The following MYOM1 variants were observed in gnomAD, a reference collection of about 807,000 sequenced individuals.
MYOM1 encodes the protein myomesin 1.
MYOM1 carries 164 observed loss-of-function variants against 205.3 expected under a neutral mutation model. The observed-to-expected ratio is 0.80, with a 90% CI of 0.70 to 0.91. The LOEUF is 0.91. MYOM1 is among the 40% of genes least tolerant of loss of function. MYOM1 has a pLI of 0.00. For missense variants in MYOM1, 2,011 were observed against 2,127.3 expected, an observed-to-expected ratio of 0.95 and a Z score of 1.08; for synonymous variants, 772 against 789.4, an observed-to-expected ratio of 0.98 and a Z score of 0.37.
At chr18:3,123,762 T>C (rs1372221687) in intron 19 of MYOM1, among the ~76,000 whole-genome samples, 1 of 151,548 alleles carries the variant, frequency 6.6e-6, no homozygotes, top group African/African-American at 2.4e-5. Context: ...GGAAAAAGAA[T>C]AAACCAGGAG....
intron 23 of MYOM1, among the ~76,000 whole-genome samples, chr18:3,100,727 A>T (rs1457450973): frequency 6.6e-6 from 1 of 152,208 alleles, no homozygotes; most frequent in African/African-American, 2.4e-5. Context: ...CCAGCTGATC[A>T]GTCCCTGCTG....
At chr18:3,242,001 T>C in the MYOM1 span, among the ~76,000 whole-genome samples, 1 of 152,236 alleles carries the variant, frequency 6.6e-6, no homozygotes, top group African/African-American at 2.4e-5. Flanking sequence ...ACCCAATGCC[T>C]GTACCCCCCT....
At chr18:3,230,729 C>T in the MYOM1 span, among the ~76,000 whole-genome samples, 6 of 152,310 alleles carry the variant, frequency 3.9e-5, no homozygotes, top group South Asian at 1.2e-3. Flanking sequence ...ATTTAAACCC[C>T]GGAAAATTCC....
chr18:3,089,306 C>A, intron 28 of MYOM1, 65 bp from the exon 29 acceptor site: 2 of 1,304,562 alleles, frequency 1.5e-6, no homozygotes, highest in South Asian at 1.3e-5. Context: ...AAAGCTCACA[C>A]TTAAGTCCTA....
intron 9 of MYOM1, among the ~76,000 whole-genome samples, chr18:3,168,229 T>C (rs1413628329): frequency 6.6e-6 from 1 of 152,232 alleles, no homozygotes; most frequent in African/African-American, 2.4e-5. Flanking sequence ...TTACATACCA[T>C]TTTTATGGTA....
At chr18:3,089,127 A>G (rs778348908) in intron 29 of MYOM1, 47 bp downstream of exon 29, 6 of 1,201,782 alleles carry the variant, frequency 5.0e-6, no homozygotes, top group Non-Finnish European at 7.0e-6. Flanking sequence ...TCTACATTCT[A>G]TTTTATTTCC....
Position 3,089,529 on chromosome 18 carries a change from A to AT in MYOM1, c.4069+7dup. 1 of 1,604,004 alleles carries AT rather than the reference A, an allele frequency of 6.2e-7. No individual in the cohort carries two copies. The highest frequency in any genetic ancestry group is 8.5e-7 in the Non-Finnish European group (1 of 1,175,386). ...AAAATTTTCTCTTTATCCACGGCCT[A>AT]TTTTTACCTTGTTTCCTGATCCATT... On this transcript the variant is annotated splice_region_variant and intron_variant, in intron 28 of 37. Transcript: ENST00000356443.
chr18:3,229,293 T>C, the MYOM1 span, among the ~76,000 whole-genome samples: 1 of 152,114 alleles, frequency 6.6e-6, no homozygotes, highest in Non-Finnish European at 1.5e-5. Flanking sequence ...CTAGGCCATA[T>C]TCTAGGACAA....
chr18:3,155,832 T>C (rs1265100742), intron 10 of MYOM1, among the ~76,000 whole-genome samples: 2 of 152,150 alleles, frequency 1.3e-5, no homozygotes, highest in Admixed American at 6.5e-5. Flanking sequence ...ATACGAGTCA[T>C]AGAGCTTTGC....
At chr18:3,243,914 T>C in the MYOM1 span, among the ~76,000 whole-genome samples, 1 of 152,122 alleles carries the variant, frequency 6.6e-6, no homozygotes, top group African/African-American at 2.4e-5. Flanking sequence ...TAGATCTCAC[T>C]TGGGGAAAAA....
intron 16 of MYOM1, among the ~76,000 whole-genome samples, chr18:3,133,658 A>G (rs989454863): frequency 6.6e-6 from 1 of 152,194 alleles, no homozygotes; most frequent in Non-Finnish European, 1.5e-5. Context: ...TCAGAATCTA[A>G]TATCACGTTG....
intron 25 of MYOM1, among the ~76,000 whole-genome samples, chr18:3,094,798 A>G (rs1032788694): frequency 6.6e-6 from 1 of 151,784 alleles, no homozygotes; most frequent in African/African-American, 2.4e-5. Flanking sequence ...AGTAGCTCAC[A>G]CAACAGTCAC....
chr18:3,222,983 A>C (rs2081338121), upstream of MYOM1, among the ~76,000 whole-genome samples: 1 of 152,068 alleles, frequency 6.6e-6, no homozygotes, highest in Admixed American at 6.6e-5. Context: ...CTCAGCCTCA[A>C]GCAATTCTCC....
chr18:3,084,468 T>C (rs999169386), intron 31 of MYOM1, among the ~76,000 whole-genome samples: 1 of 152,216 alleles, frequency 6.6e-6, no homozygotes, highest in Non-Finnish European at 1.5e-5. Flanking sequence ...TAAACACATT[T>C]AGCCCCACTT....
intron 9 of MYOM1, 49 bp from the exon 10 acceptor site, chr18:3,164,488 C>T: frequency 1.3e-6 from 2 of 1,508,646 alleles, no homozygotes; most frequent in Non-Finnish European, 1.8e-6. Flanking sequence ...TGTTTTATAA[C>T]TTCCTTCTTG....
intron 20 of MYOM1, among the ~76,000 whole-genome samples, chr18:3,119,036 C>G (rs1226525358): frequency 1.3e-5 from 2 of 152,134 alleles, no homozygotes; most frequent in East Asian, 3.9e-4. Context: ...ATCTTAACGG[C>G]TTAGTAAATT....
intron 36 of MYOM1, among the ~76,000 whole-genome samples, chr18:3,074,676 G>C (rs912935411): frequency 6.6e-6 from 1 of 152,208 alleles, no homozygotes; most frequent in Non-Finnish European, 1.5e-5. Flanking sequence ...CTAGTTATAT[G>C]AAAGTAAGGA....
chr18:3,139,740 T>C (rs2080022370), intron 14 of MYOM1, among the ~76,000 whole-genome samples: 1 of 152,216 alleles, frequency 6.6e-6, no homozygotes, highest in Admixed American at 6.5e-5. Context: ...CCCTACATAG[T>C]ACTGTGTTCA....
At chr18:3,216,147 A>G (rs1009389753) in intron 1 of MYOM1, among the ~76,000 whole-genome samples, 1 of 152,222 alleles carries the variant, frequency 6.6e-6, no homozygotes, top group African/African-American at 2.4e-5. Context: ...GGGCACCTGT[A>G]GTCCCAGCTA....
Sources: allele counts gnomAD v4.1 joint callset (sites outside exome capture counted in the v4.1 genomes callset), GRCh38; gene constraint gnomAD v4.1.1; transcripts MANE v1.5; gene names NCBI Gene and HGNC (gene_info 2026-07-23, HGNC 2026-07-21).